The following MGAT4C variants were observed in gnomAD, a reference collection of about 807,000 sequenced individuals.
MGAT4C encodes the protein MGAT4 family member C.
A neutral mutation model predicts 40.1 loss-of-function variants in MGAT4C; 19 were observed. That is an observed-to-expected ratio of 0.47 (90% CI 0.33 to 0.70). The LOEUF is 0.70. Ranked by LOEUF, MGAT4C falls within the 30% of genes least tolerant of loss-of-function variation. MGAT4C has a pLI of 0.02. For missense variants in MGAT4C, 491 were observed against 563.2 expected, an observed-to-expected ratio of 0.87 and a Z score of 1.30; for synonymous variants, 181 against 187.1, an observed-to-expected ratio of 0.97 and a Z score of 0.27.
intron 1 of MGAT4C, among the ~76,000 whole-genome samples, chr12:86,095,795 ATC>A (rs747788380): frequency 4.3e-3 from 2 of 468 alleles, no homozygotes; most frequent in Non-Finnish European, 9.2e-3. Context: ...ACTTATATTC[ATC>A]TCTGTGATTT....
At position 86,226,606 on chromosome 12, in the gene MGAT4C, C is replaced by G. The variant is rs546975886; in HGVS notation, c.-57+29633G>C. The stretch of plus-strand genomic sequence containing the variant: ...AGGACTTTCAGATTACTGCCCTCAC[C>G]GCAACCCAAATGATGAAATCTACTA... On this transcript the variant is annotated intron_variant, in intron 1 of 4. Coordinates refer to ENST00000611864, the MANE Select transcript of MGAT4C (RefSeq NM_001351288.2). Among the ~76,000 whole-genome samples, 10 of 151,970 alleles carry G rather than the reference C, an allele frequency of 6.6e-5. 1 individual carries two copies. Among genetic ancestry groups the G allele is most frequent in the African/African-American group, 2.4e-4 (10 of 41,490 alleles).
intron 3 of MGAT4C, among the ~76,000 whole-genome samples, chr12:86,407,719 T>A (rs1050950421): frequency 1.2e-4 from 19 of 152,094 alleles, no homozygotes; most frequent in African/African-American, 4.1e-4. Context: ...TGTGAATAAA[T>A]CATACTCCTC....
chr12:86,084,849 A>G lies in MGAT4C; in HGVS notation c.-56-35126T>C, dbSNP rs182477529. ...ATTTTGTTTGGAATGAAAAGTTAGT[A>G]TATATTTCTGAAACAGAAGTAATCT... On this transcript the variant is annotated intron_variant, in intron 1 of 4. Transcript: ENST00000611864. Among the ~76,000 whole-genome samples, 57 of 152,098 alleles carry G rather than the reference A, an allele frequency of 3.7e-4. 1 individual carries two copies. The East Asian group carries it at 0.011, about 28-fold the overall frequency.
chr12:86,248,808 A>G (rs1952148959), intron 1 of MGAT4C, among the ~76,000 whole-genome samples: 1 of 152,164 alleles, frequency 6.6e-6, no homozygotes, highest in South Asian at 2.1e-4. Flanking sequence ...GAATCTCACC[A>G]TGATGAAATA....
At chr12:86,544,002 G>A (rs1037107501) in intron 2 of MGAT4C, among the ~76,000 whole-genome samples, 2 of 152,068 alleles carry the variant, frequency 1.3e-5, no homozygotes, top group Non-Finnish European at 1.5e-5. Context: ...GATGATATAA[G>A]GATACTACAT....
At chr12:86,827,587 A>G (rs961062463) in intron 1 of MGAT4C, among the ~76,000 whole-genome samples, 1 of 151,454 alleles carries the variant, frequency 6.6e-6, no homozygotes, top group African/African-American at 2.4e-5. Context: ...GCAAACAATG[A>G]CACTTAGAGA....
At chr12:86,037,390 A>G (rs1592745939) in intron 2 of MGAT4C, among the ~76,000 whole-genome samples, 1 of 150,052 alleles carries the variant, frequency 6.7e-6, no homozygotes, top group Admixed American at 6.7e-5. Flanking sequence ...TTAGGGTGTC[A>G]ATTTTAGATA....
chr12:86,171,679 G>C (rs918649741), intron 1 of MGAT4C, among the ~76,000 whole-genome samples: 1 of 151,996 alleles, frequency 6.6e-6, no homozygotes, highest in African/African-American at 2.4e-5. Flanking sequence ...TTTACTTTAC[G>C]GTGTGGCTTC....
intron 1 of MGAT4C, among the ~76,000 whole-genome samples, chr12:86,768,599 G>A (rs1232808279): frequency 1.2e-4 from 18 of 151,282 alleles, no homozygotes; most frequent in African/African-American, 2.2e-4. Flanking sequence ...GAGGCATCAC[G>A]CTACCTGACT....
At chr12:86,700,530 A>T (rs554078515) in intron 2 of MGAT4C, among the ~76,000 whole-genome samples, 5 of 152,252 alleles carry the variant, frequency 3.3e-5, no homozygotes, top group African/African-American at 1.2e-4. Flanking sequence ...AGTGGATATA[A>T]CTTAAATGAA....
chr12:86,613,329 C>T (rs112384218), intron 2 of MGAT4C, among the ~76,000 whole-genome samples: 1 of 152,088 alleles, frequency 6.6e-6, no homozygotes, highest in African/African-American at 2.4e-5. Context: ...AGAAAAATTA[C>T]ACTTGTATTA....
chr12:86,181,294 A>G (rs1228706946), intron 1 of MGAT4C, among the ~76,000 whole-genome samples: 1 of 152,180 alleles, frequency 6.6e-6, no homozygotes, highest in East Asian at 1.9e-4. Flanking sequence ...AAAAAAAACT[A>G]ATACAACCTG....
At chr12:86,117,730 G>T (rs2135670417) in intron 1 of MGAT4C, among the ~76,000 whole-genome samples, 1 of 152,258 alleles carries the variant, frequency 6.6e-6, no homozygotes, top group Middle Eastern at 3.4e-3. Context: ...AAGAGTAGGA[G>T]AAGCTGACAT....
intron 1 of MGAT4C, among the ~76,000 whole-genome samples, chr12:86,744,490 A>G (rs2136134259): frequency 6.6e-6 from 1 of 151,584 alleles, no homozygotes; most frequent in Non-Finnish European, 1.5e-5. Flanking sequence ...CCAAGTTCAT[A>G]GTACATTTTG....
chr12:86,732,760 T>C (rs532721752), intron 1 of MGAT4C, among the ~76,000 whole-genome samples: 1 of 151,558 alleles, frequency 6.6e-6, no homozygotes, highest in Non-Finnish European at 1.5e-5. Context: ...AGTATTGATC[T>C]GTGGCCCAGG....
At chr12:85,987,778 T>C (rs1465073726) in intron 3 of MGAT4C, among the ~76,000 whole-genome samples, 1 of 152,218 alleles carries the variant, frequency 6.6e-6, no homozygotes, top group Non-Finnish European at 1.5e-5. Context: ...TTGTTGAAAG[T>C]GAAAGATTAA....
intron 1 of MGAT4C, among the ~76,000 whole-genome samples, chr12:86,092,994 A>G (rs557793877): frequency 1.3e-5 from 2 of 152,150 alleles, no homozygotes; most frequent in South Asian, 2.1e-4. Flanking sequence ...TCCTAATGCT[A>G]TCCTTCCCCT....
chr12:86,774,281 C>CTCGCTCTTTCTTTCTT (rs1555227734), intron 1 of MGAT4C, among the ~76,000 whole-genome samples: 173 of 58,972 alleles, frequency 2.9e-3, no homozygotes, highest in Non-Finnish European at 4.7e-3. Flanking sequence ...CTAAGGCTTG[C>CTCGCTCTTTCTTTCTT]TCTTTCTTTC....
intron 2 of MGAT4C, among the ~76,000 whole-genome samples, chr12:86,577,457 T>C (rs1269288265): frequency 6.6e-6 from 1 of 151,802 alleles, no homozygotes; most frequent in African/African-American, 2.4e-5. Context: ...GTATATGGCT[T>C]TTATTATGTT....
Sources: allele counts gnomAD v4.1 joint callset (sites outside exome capture counted in the v4.1 genomes callset), GRCh38; gene constraint gnomAD v4.1.1; transcripts MANE v1.5; gene names NCBI Gene and HGNC (gene_info 2026-07-23, HGNC 2026-07-21).